The following TNNI3K variants were observed in gnomAD, a reference collection of about 807,000 sequenced individuals.
TNNI3K encodes serine/threonine-protein kinase TNNI3K.
In TNNI3K, 140 loss-of-function variants were observed where a neutral mutation model predicts 114.5. The observed-to-expected ratio is 1.22, with a 90% CI of 1.07 to 1.41. TNNI3K has a LOEUF of 1.41. Ranked by LOEUF, TNNI3K falls within the 40% of genes most tolerant of loss-of-function variation. The probability of loss-of-function intolerance (pLI) is 0.00; values close to 1 mark genes in which losing one functional copy is unlikely to be tolerated. For missense variants in TNNI3K, 1,125 were observed against 1,007.6 expected (o/e 1.12, Z -1.58); for synonymous variants, 347 against 347.5 (o/e 1.00, Z 0.02).
At chr1:74,501,898 T>C (rs1036978480) in intron 23 of TNNI3K, among the ~76,000 whole-genome samples, 5 of 152,158 alleles carry the variant, frequency 3.3e-5, no homozygotes, top group African/African-American at 1.2e-4. Flanking sequence ...ATACATTTTC[T>C]TTTTCTCACT....
intron 17 of TNNI3K, among the ~76,000 whole-genome samples, chr1:74,405,744 C>T (rs917731009): frequency 2.0e-5 from 3 of 152,144 alleles, no homozygotes; most frequent in African/African-American, 7.2e-5. Flanking sequence ...CTATGATCAA[C>T]TACTGGGCTC....
intron 20 of TNNI3K, among the ~76,000 whole-genome samples, chr1:74,449,924 C>T (rs1483811795): frequency 4.0e-5 from 4 of 100,604 alleles, no homozygotes; most frequent in Admixed American, 1.2e-4. Context: ...ATCTACAGAA[C>T]TCTCCACGCC....
intron 17 of TNNI3K, among the ~76,000 whole-genome samples, chr1:74,393,653 A>C (rs1484665821): frequency 1.3e-5 from 2 of 152,234 alleles, no homozygotes; most frequent in African/African-American, 4.8e-5. Flanking sequence ...ATTATACAGC[A>C]GCAGTACCCA....
intron 6 of TNNI3K, among the ~76,000 whole-genome samples, chr1:74,334,335 C>A (rs1479933694): frequency 6.6e-6 from 1 of 152,154 alleles, no homozygotes; most frequent in Non-Finnish European, 1.5e-5. Flanking sequence ...GAGATTTATA[C>A]TCAAGACATG....
chr1:74,504,440 TGAG>T (rs1354175067), intron 23 of TNNI3K, among the ~76,000 whole-genome samples: 1 of 152,132 alleles, frequency 6.6e-6, no homozygotes, highest in Admixed American at 6.6e-5. Context: ...GCCTCAAAGT[TGAG>T]GAGCATGTGA....
intron 21 of TNNI3K, chr1:74,470,624 T>C: frequency 2.5e-6 from 1 of 400,728 alleles, no homozygotes; most frequent in South Asian, 1.3e-4. Flanking sequence ...GTTTCTGTTT[T>C]TGAAAGTTTT....
chr1:74,441,039 C>T (rs766755645), intron 20 of TNNI3K, among the ~76,000 whole-genome samples: 1 of 152,078 alleles, frequency 6.6e-6, no homozygotes, highest in East Asian at 1.9e-4. Context: ...GTAGCCCAAG[C>T]CATCTTTCCT....
chr1:74,370,202 T>C, intron 16 of TNNI3K, 86 bp from the exon 17 acceptor site: 2 of 1,196,620 alleles, frequency 1.7e-6, no homozygotes, highest in Non-Finnish European at 2.3e-6. Context: ...TAAGATGATA[T>C]AAAATAACAA....
At chr1:74,236,700 A>G (rs1267411980) in intron 2 of TNNI3K, among the ~76,000 whole-genome samples, 1 of 151,832 alleles carries the variant, frequency 6.6e-6, no homozygotes, top group Non-Finnish European at 1.5e-5. Flanking sequence ...CTGAACAATC[A>G]TATAACAACA....
chr1:74,431,384 G>A (rs1665890445), intron 17 of TNNI3K, among the ~76,000 whole-genome samples: 1 of 151,670 alleles, frequency 6.6e-6, no homozygotes, highest in Non-Finnish European at 1.5e-5. Flanking sequence ...TTATTTTCTA[G>A]GTATCTCAGA....
chr1:74,438,871 G>A (rs915156576), intron 19 of TNNI3K, among the ~76,000 whole-genome samples: 9 of 152,070 alleles, frequency 5.9e-5, no homozygotes, highest in African/African-American at 1.9e-4. Flanking sequence ...TTCATAAATA[G>A]CACATCTGGG....
rs1415857200 is a variant in TNNI3K at position 74,373,942 on chromosome 1, A to G, written c.1772+3550A>G. 4.6e-5 allele frequency: 7 copies of G among 151,950 alleles called. No homozygotes were observed. The East Asian group carries it at 1.4e-3, about 29-fold the overall frequency. 9.4% of individuals were successfully genotyped at this position (151,950 alleles called of 1,614,324 possible). Reference sequence around the variant, plus strand: ...GGTTCCAGGACCTCTCATGGATACCAAAGTCTGAGAATGCTCAAGTCCCTG... The same window carrying G: ...GGTTCCAGGACCTCTCATGGATACCGAAGTCTGAGAATGCTCAAGTCCCTG... On this transcript the variant is annotated intron_variant, in intron 17 of 24. Coordinates refer to ENST00000326637, the MANE Select transcript of TNNI3K (RefSeq NM_015978.3).
intron 6 of TNNI3K, among the ~76,000 whole-genome samples, chr1:74,332,976 A>AAAAAAAAAGAG (rs57556485): frequency 1.3e-3 from 119 of 90,740 alleles, no homozygotes; most frequent in Non-Finnish European, 1.6e-3. Flanking sequence ...AAAAAAAAAA[A>AAAAAAAAAGAG]AGAGAGAGAC....
chr1:74,391,788 G>C (rs1347985573), intron 17 of TNNI3K, among the ~76,000 whole-genome samples: 1 of 151,982 alleles, frequency 6.6e-6, no homozygotes, highest in Non-Finnish European at 1.5e-5. Flanking sequence ...GACTGAGAAG[G>C]CCTGAGAAAG....
intron 21 of TNNI3K, chr1:74,475,742 C>A: frequency 1.5e-6 from 1 of 667,770 alleles, no homozygotes; most frequent in Non-Finnish European, 2.8e-6. Context: ...GATGTGTGTT[C>A]ATTTGCTTTG....
chr1:74,312,524 TG>T (rs1659051592), intron 5 of TNNI3K, among the ~76,000 whole-genome samples: 1 of 152,244 alleles, frequency 6.6e-6, no homozygotes, highest in Non-Finnish European at 1.5e-5. Context: ...CTTTGCAGGC[TG>T]ACTGGAAGAT....
intron 17 of TNNI3K, among the ~76,000 whole-genome samples, chr1:74,431,531 G>T (rs1665898314): frequency 1.3e-5 from 2 of 152,164 alleles, no homozygotes; most frequent in Admixed American, 1.3e-4. Flanking sequence ...TCGCAGCAGA[G>T]ATAGTAAACT....
intron 23 of TNNI3K, among the ~76,000 whole-genome samples, chr1:74,509,870 C>T (rs571233508): frequency 2.0e-5 from 3 of 147,312 alleles, no homozygotes; most frequent in Non-Finnish European, 3.0e-5. Flanking sequence ...TTTCCCTCCT[C>T]AGCTCCCCAA....
intron 17 of TNNI3K, among the ~76,000 whole-genome samples, chr1:74,422,273 AT>A (rs45555234): frequency 0.021 from 3,212 of 151,986 alleles, 99 homozygotes; most frequent in African/African-American, 0.073. Flanking sequence ...ATCTCATTTG[AT>A]TTTTTTATTT....
Sources: allele counts gnomAD v4.1 joint callset (sites outside exome capture counted in the v4.1 genomes callset), GRCh38; gene constraint gnomAD v4.1.1; transcripts MANE v1.5; gene names NCBI Gene and HGNC (gene_info 2026-07-23, HGNC 2026-07-21).